Variants in LINS1 observed in about 807,000 individuals in gnomAD.
The protein encoded by LINS1 is protein Lines homolog 1.
In LINS1, 27 loss-of-function variants were observed where a neutral mutation model predicts 41.6. The ratio of observed to expected loss-of-function variants is 0.65; its 90% CI spans 0.48 to 0.89. The LOEUF is 0.89. LINS1 is among the 40% of genes least tolerant of loss of function. The probability of loss-of-function intolerance (pLI) is 0.00; values close to 1 mark genes in which losing one functional copy is unlikely to be tolerated. For missense variants in LINS1, 955 were observed against 884.1 expected (o/e 1.08, Z -1.02); for synonymous variants, 336 against 312.9 (o/e 1.07, Z -0.78).
chr15:100,595,558 G>A (rs1226042890), intron 1 of LINS1, among the ~76,000 whole-genome samples: 1 of 152,170 alleles, frequency 6.6e-6, no homozygotes, highest in Admixed American at 6.5e-5. Context: ...CTACACTGCT[G>A]GTGAGAATGA....
At chr15:100,577,260 T>C (rs1416498766) in intron 3 of LINS1, among the ~76,000 whole-genome samples, 1 of 152,190 alleles carries the variant, frequency 6.6e-6, no homozygotes, top group African/African-American at 2.4e-5. Context: ...GATGACATGA[T>C]TGTATATCTA....
chr15:100,600,551 C>CAAAAAAAAAAAAAAAAAA lies in LINS1; in HGVS notation c.-104+1552_-104+1569dup, dbSNP rs56911211. 1.4e-3 allele frequency among the ~76,000 whole-genome samples: 113 copies of CAAAAAAAAAAAAAAAAAA among 79,670 alleles called. 24 individuals are homozygous for CAAAAAAAAAAAAAAAAAA. The highest frequency in any genetic ancestry group is 7.4e-3 in the African/African-American group (111 of 15,006). The allele number at this position is 79,670 out of a possible 152,430, so 52.3% of individuals were successfully genotyped here. On this transcript the variant is annotated intron_variant, in intron 1 of 6. Coordinates refer to ENST00000314742, the MANE Select transcript of LINS1 (RefSeq NM_001040616.3). ...TTTACATTGGAGTCCTGCTGTTAAG[C>CAAAAAAAAAAAAAAAAAA]AAAAAAAAAAAAAAAAAAAACAGGG...
chr15:100,601,314 C>T (rs150188935), intron 1 of LINS1, among the ~76,000 whole-genome samples: 68 of 152,240 alleles, frequency 4.5e-4, no homozygotes, highest in African/African-American at 1.6e-3. Flanking sequence ...GAGACAGCAC[C>T]GCAAAGTATC....
intron 1 of LINS1, among the ~76,000 whole-genome samples, chr15:100,599,565 C>T (rs909050748): frequency 6.6e-6 from 1 of 152,222 alleles, no homozygotes; most frequent in Non-Finnish European, 1.5e-5. Context: ...CATCTCTCTA[C>T]TTAACTATCA....
intron 1 of LINS1, among the ~76,000 whole-genome samples, chr15:100,587,651 G>A (rs886963140): frequency 2.6e-5 from 4 of 152,186 alleles, no homozygotes; most frequent in Admixed American, 2.6e-4. Context: ...TTTCCTATGT[G>A]TTTTTAGAAA....
At chr15:100,589,301 C>G (rs1016474137) in intron 1 of LINS1, among the ~76,000 whole-genome samples, 16 of 152,176 alleles carry the variant, frequency 1.1e-4, no homozygotes, top group African/African-American at 3.9e-4. Flanking sequence ...TTGTATAAAG[C>G]TGCTAACCCA....
rs1280955034 is a variant in LINS1, at chr15:100,587,139, T to C, written c.-103-6194A>G. Among the ~76,000 whole-genome samples the C allele has an allele frequency of 1.2e-4, 13 of 107,654 alleles. No homozygotes were observed. In the Admixed American group the frequency reaches 1.3e-3, roughly 10 times the overall value. The allele number at this position is 107,654 out of a possible 152,430, so 70.6% of individuals were successfully genotyped here. On this transcript the variant is annotated intron_variant, in intron 1 of 6. Coordinates refer to ENST00000314742, the MANE Select transcript of LINS1 (RefSeq NM_001040616.3). ...ACACCACTGTACTCCAGCCTGGCAA[T>C]AGAGGGAGACTCTGTCTTAAAAAAA...
rs1050600350 is a variant in LINS1 at position 100,572,433 on chromosome 15, A to C, written c.1223-368T>G. ...CGGATGCCAGAGCTGTCTGTCCAAG[A>C]ATGCAACCAAGCAAAAATAATTTTG... On this transcript the variant is annotated intron_variant, in intron 5 of 6. Coordinates refer to ENST00000314742, the MANE Select transcript of LINS1 (RefSeq NM_001040616.3). 32 of 1,069,772 alleles carry C rather than the reference A, an allele frequency of 3.0e-5. No homozygotes were observed. The South Asian group carries it at 8.3e-4, about 28-fold the overall frequency. The allele number at this position is 1,069,772 out of a possible 1,614,324, so 66.3% of individuals were successfully genotyped here. A position where few individuals can be genotyped will look rare whatever the true frequency, so the allele number is the denominator to read the frequency against.
chr15:100,575,684 T>A (rs2038129674), intron 3 of LINS1, among the ~76,000 whole-genome samples: 1 of 152,160 alleles, frequency 6.6e-6, no homozygotes, highest in Non-Finnish European at 1.5e-5. Context: ...CTAATAGACA[T>A]CTACAGAACT....
Position 100,574,153 on chromosome 15 carries a change from C to G in LINS1, c.720G>C (p.Arg240=). 6.2e-7 allele frequency: 1 copy of G among 1,613,678 alleles called. No individual in the cohort carries two copies. The highest frequency in any genetic ancestry group is 8.5e-7 in the Non-Finnish European group (1 of 1,179,708). Residue 240 remains arginine, a synonymous_variant, in exon 5 of 7, where the codon CGG becomes CGC. Transcript: ENST00000314742. ...GGATGTTTACTATTTTAGAAGTATC[C>G]CGGCAGTTTTCAAAATGCTGAGAGA... ...SLFSQHFENC[R]DTSKIVNILM...
chr15:100,587,413 T>A (rs1318737837), intron 1 of LINS1, among the ~76,000 whole-genome samples: 4 of 152,216 alleles, frequency 2.6e-5, no homozygotes, highest in African/African-American at 9.6e-5. Flanking sequence ...GTAATAGTAA[T>A]AAAATATTCA....
At chr15:100,584,803 T>G (rs2038726148) in intron 1 of LINS1, among the ~76,000 whole-genome samples, 1 of 152,292 alleles carries the variant, frequency 6.6e-6, no homozygotes, top group South Asian at 2.1e-4. Flanking sequence ...ACAATTCAAA[T>G]GCCAACTGCA....
Position 100,573,646 on chromosome 15 carries a change from A to G in LINS1, c.1222+5T>C. ...ACTGCATACAAAAGGAGTTTGGAGA[A>G]TTACCTTTCACTTCACTTGCTGAAG... On this transcript the variant is annotated splice_donor_5th_base_variant and intron_variant, in intron 5 of 6. Transcript: ENST00000314742. 2 of 1,535,984 alleles carry G rather than the reference A, an allele frequency of 1.3e-6. No individual in the cohort carries two copies. Among genetic ancestry groups the G allele is most frequent in the Non-Finnish European group, 1.8e-6 (2 of 1,111,340 alleles).
chr15:100,601,961 C>G (rs904507359), intron 1 of LINS1, among the ~76,000 whole-genome samples, 160 bp downstream of exon 1: 1 of 152,184 alleles, frequency 6.6e-6, no homozygotes, highest in Non-Finnish European at 1.5e-5. Context: ...CGGGCACTTG[C>G]GTCTGACAAG....
chr15:100,585,448 C>T (rs1276089453), intron 1 of LINS1, among the ~76,000 whole-genome samples: 2 of 152,316 alleles, frequency 1.3e-5, no homozygotes, highest in East Asian at 3.9e-4. Context: ...GCCTGGTTAA[C>T]ATGTGATGCT....
chr15:100,597,660 T>C (rs1001137906), intron 1 of LINS1, among the ~76,000 whole-genome samples: 2 of 152,266 alleles, frequency 1.3e-5, no homozygotes, highest in African/African-American at 2.4e-5. Flanking sequence ...TAAGTGGTAC[T>C]TCAGAATGAA....
intron 3 of LINS1, among the ~76,000 whole-genome samples, chr15:100,578,356 T>C (rs1377662344): frequency 6.6e-6 from 1 of 152,022 alleles, no homozygotes; most frequent in Non-Finnish European, 1.5e-5. Context: ...CATCAAAAAG[T>C]GGGCAAAGGA....
At chr15:100,601,311 C>A (rs2141374976) in intron 1 of LINS1, among the ~76,000 whole-genome samples, 1 of 152,308 alleles carries the variant, frequency 6.6e-6, no homozygotes, top group South Asian at 2.1e-4. Flanking sequence ...CACGAGACAG[C>A]ACCGCAAAGT....
chr15:100,593,668 T>A (rs2039133845), intron 1 of LINS1, among the ~76,000 whole-genome samples: 1 of 151,654 alleles, frequency 6.6e-6, no homozygotes, highest in Admixed American at 6.6e-5. Context: ...AGCCAGAAAA[T>A]CTAATATCAG....
Sources: gnomAD v4.1 joint callset for allele counts (sites outside exome capture counted in the v4.1 genomes callset) on GRCh38, gnomAD v4.1.1 for gene constraint, MANE v1.5 for transcripts, NCBI Gene and HGNC (gene_info 2026-07-23, HGNC 2026-07-21) for gene names.